ABCA1: variants seen among roughly 807,000 people sequenced by gnomAD.
ABCA1 encodes the protein phospholipid-transporting ATPase ABCA1.
Under a neutral mutation model 262.5 loss-of-function variants are expected in ABCA1, and 133 were observed. That is an observed-to-expected ratio of 0.51 (90% confidence interval 0.44 to 0.59). ABCA1 has a LOEUF of 0.59. Among genes scored for constraint, ABCA1 ranks in the 20% least tolerant of loss-of-function variants. ABCA1 has a pLI of 0.00. For missense variants in ABCA1, 2,452 were observed against 2,777.5 expected, an observed-to-expected ratio of 0.88 and a Z score of 2.63; for synonymous variants, 1,022 against 1,043.5, an observed-to-expected ratio of 0.98 and a Z score of 0.40.
At chr9:104,889,630 AG>A (rs1330787554) in intron 2 of ABCA1, among the ~76,000 whole-genome samples, 1 of 152,182 alleles carries the variant, frequency 6.6e-6, no homozygotes, top group Non-Finnish European at 1.5e-5. Flanking sequence ...CTCTGAAAGC[AG>A]GCACCCATCT....
chr9:104,870,070 C>T (rs1238433472), intron 5 of ABCA1, among the ~76,000 whole-genome samples: 2 of 152,160 alleles, frequency 1.3e-5, no homozygotes, highest in Admixed American at 6.5e-5. Flanking sequence ...CCAAGAGAAA[C>T]CAGGATATTT....
At chr9:104,837,834 A>T (rs1272295835) in intron 9 of ABCA1, among the ~76,000 whole-genome samples, 1 of 152,264 alleles carries the variant, frequency 6.6e-6, no homozygotes, top group East Asian at 1.9e-4. Context: ...AGAGCTTATT[A>T]TAACGTCAAT....
rs1832865659 is a variant in ABCA1, at chr9:104,827,001, C to T, written c.2284G>A (p.Val762Ile). The change falls in exon 16 of 50, where the codon GTC becomes ATC. Residue 762 changes from valine (V) to isoleucine (I), a missense_variant. Transcript: ENST00000374736. Reference protein sequence around the residue: ...IIYFTLYLPYVLCVAWQDYVG... With the variant: ...IIYFTLYLPYILCVAWQDYVG... ...TAGTCCTGCCATGCCACACACAGGA[C>T]GTAGGGCAGGTACAGCGTGAAGTAG... 32 of 1,614,032 alleles carry T rather than the reference C, an allele frequency of 2.0e-5. No individual in the cohort carries two copies. The highest frequency in any genetic ancestry group is 2.6e-5 in the Non-Finnish European group (31 of 1,180,044).
chr9:104,906,991 A>G (rs981816192), intron 1 of ABCA1, among the ~76,000 whole-genome samples: 1 of 152,084 alleles, frequency 6.6e-6, no homozygotes, highest in Admixed American at 6.5e-5. Flanking sequence ...ACTCAGCTAG[A>G]CCAAATATCT....
intron 5 of ABCA1, among the ~76,000 whole-genome samples, chr9:104,868,413 A>G (rs1294582105): frequency 6.6e-6 from 1 of 152,230 alleles, no homozygotes; most frequent in Admixed American, 6.5e-5. Flanking sequence ...GTGCAAACCA[A>G]AGATCAAGAA....
intron 8 of ABCA1, among the ~76,000 whole-genome samples, 166 bp from the exon 9 acceptor site, chr9:104,840,685 T>C (rs1834288150): frequency 6.6e-6 from 1 of 152,224 alleles, no homozygotes; most frequent in Admixed American, 6.5e-5. Context: ...TGGGATGAGC[T>C]TGCCAGAACC....
rs1369076741 is a variant in ABCA1 at position 104,818,711 on chromosome 9, G to A, written c.3414C>T (p.Ser1138=). 2 of 1,613,578 alleles carry A rather than the reference G, an allele frequency of 1.2e-6. No individual in the cohort carries two copies. The highest frequency in any genetic ancestry group is 1.1e-5 in the South Asian group (1 of 91,038). ...TACTACTGTTTCTGCAGGAACTGAG[G>A]GAGGATTCCACATCTTTCTTGACCA... is the stretch of plus-strand genomic sequence containing the variant. The part of the protein sequence containing the change: ...LTLVKKDVES[S]LSSCRNSSST... The change falls in exon 23 of 50, where the codon TCC becomes TCT. Residue 1138 remains serine, a synonymous_variant. Coordinates refer to ENST00000374736, the MANE Select transcript of ABCA1 (RefSeq NM_005502.4).
intron 2 of ABCA1, among the ~76,000 whole-genome samples, chr9:104,900,791 TAACA>T (rs751977971): frequency 2.6e-4 from 39 of 152,332 alleles, no homozygotes; most frequent in Non-Finnish European, 4.9e-4. Context: ...TTTCCAACTC[TAACA>T]ATCTAAGCAT....
rs755256833 is a variant in ABCA1, at chr9:104,814,193, C to A, written c.3826G>T (p.Gly1276Trp). ...LPARRNRRAF[G>W]DKQSCLRPFT... ...GGGCGAAGACAGCTCTGCTTGTCCC[C>A]GAAGGCCCGCCTGTTTCGTCTTGCT... The change falls in exon 27 of 50, where the codon GGG becomes TGG. Residue 1276 changes from glycine to tryptophan, a missense_variant. By Grantham distance (184) the Gly-to-Trp change is radical. Transcript: ENST00000374736. 1.9e-6 allele frequency: 3 copies of A among 1,614,206 alleles called. No homozygotes were observed. The highest frequency in any genetic ancestry group is 2.5e-6 in the Non-Finnish European group (3 of 1,180,040).
chr9:104,890,469 T>A (rs1357246427), intron 2 of ABCA1, among the ~76,000 whole-genome samples: 1 of 151,930 alleles, frequency 6.6e-6, no homozygotes, highest in South Asian at 2.1e-4. Flanking sequence ...GAATCCCAGG[T>A]ACTTGGGAGG....
rs768615282 is a variant in ABCA1, at chr9:104,903,693, G to A, written c.-14C>T. The A allele has an allele frequency of 1.9e-6, 3 of 1,573,744 alleles. No individual in the cohort carries two copies. The South Asian group carries it at 3.5e-5, about 18-fold the overall frequency. Reference sequence around the variant, plus strand: ...CCAACAAGCCATGTTCCCTCAGCCAGCACCCCCAGCGTGTGGCTCGGGAGC... The same window carrying A: ...CCAACAAGCCATGTTCCCTCAGCCAACACCCCCAGCGTGTGGCTCGGGAGC... On this transcript the variant is annotated 5_prime_UTR_variant, in exon 2 of 50. Coordinates refer to ENST00000374736, the MANE Select transcript of ABCA1 (RefSeq NM_005502.4).
intron 41 of ABCA1, 22 bp downstream of exon 41, chr9:104,793,149 C>T (rs747584463): frequency 5.6e-6 from 9 of 1,613,720 alleles, no homozygotes; most frequent in East Asian, 4.5e-5. Context: ...AGGTGCTCCA[C>T]GGGTTCTAAG....
intron 11 of ABCA1, among the ~76,000 whole-genome samples, chr9:104,833,333 C>T (rs1246355146): frequency 6.6e-6 from 1 of 152,112 alleles, no homozygotes; most frequent in East Asian, 1.9e-4. Flanking sequence ...AGGTGCACAC[C>T]ACCACACCTG....
At chr9:104,812,120 C>A (rs1444427369) in intron 28 of ABCA1, among the ~76,000 whole-genome samples, 1 of 152,198 alleles carries the variant, frequency 6.6e-6, no homozygotes, top group African/African-American at 2.4e-5. Context: ...AACATCAACT[C>A]AGAGAAAAAT....
chr9:104,798,621 A>G (rs781047127), intron 36 of ABCA1, 23 bp from the exon 37 acceptor site: 20 of 1,610,276 alleles, frequency 1.2e-5, no homozygotes, highest in Non-Finnish European at 1.5e-5. Context: ...AGCGTGTGAA[A>G]ATCTGAGGGG....
chr9:104,904,133 T>G (rs2254819), intron 1 of ABCA1, among the ~76,000 whole-genome samples: 1 of 152,016 alleles, frequency 6.6e-6, no homozygotes, highest in Non-Finnish European at 1.5e-5. Context: ...TACCTCTCTT[T>G]TCTAAGAAAA....
chr9:104,860,929 A>G (rs545808157), intron 6 of ABCA1, among the ~76,000 whole-genome samples: 1 of 151,980 alleles, frequency 6.6e-6, no homozygotes, highest in East Asian at 1.9e-4. Flanking sequence ...GCTAATTTTC[A>G]TATTTTTAGT....
At chr9:104,867,133 G>A (rs1449300244) in intron 5 of ABCA1, among the ~76,000 whole-genome samples, 1 of 152,198 alleles carries the variant, frequency 6.6e-6, no homozygotes, top group Non-Finnish European at 1.5e-5. Flanking sequence ...AACAAACCAA[G>A]TAAAGAGGAC....
intron 5 of ABCA1, among the ~76,000 whole-genome samples, chr9:104,862,292 T>C (rs1220799392): frequency 3.3e-5 from 5 of 151,574 alleles, no homozygotes; most frequent in Non-Finnish European, 7.4e-5. Context: ...TTATCTTTAG[T>C]ACAGACAGGG....
Sources: gnomAD v4.1 joint callset for allele counts (sites outside exome capture counted in the v4.1 genomes callset) on GRCh38, gnomAD v4.1.1 for gene constraint, MANE v1.5 for transcripts, NCBI Gene and HGNC (gene_info 2026-07-23, HGNC 2026-07-21) for gene names.